The following TMEM108 variants were observed in gnomAD, a reference collection of about 807,000 sequenced individuals.
TMEM108 encodes the protein cancer/testis antigen 124.
Under a neutral mutation model 35.1 loss-of-function variants are expected in TMEM108, and 12 were observed. The ratio of observed to expected loss-of-function variants is 0.34; its 90% CI spans 0.22 to 0.55. TMEM108 has a LOEUF of 0.55. Ranked by LOEUF, TMEM108 falls within the 20% of genes least tolerant of loss-of-function variation. The pLI, the probability that TMEM108 is intolerant of heterozygous loss-of-function variation, is 0.89. For missense variants in TMEM108, 680 were observed against 753.3 expected (o/e 0.90, Z 1.14); for synonymous variants, 287 against 308.6 (o/e 0.93, Z 0.73).
At chr3:133,253,918 A>G (rs1946507389) in intron 3 of TMEM108, among the ~76,000 whole-genome samples, 1 of 152,240 alleles carries the variant, frequency 6.6e-6, no homozygotes, top group Admixed American at 6.5e-5. Context: ...AATAATTCCA[A>G]CAAATTCGGG....
At chr3:133,311,650 G>C (rs968264405) in intron 3 of TMEM108, among the ~76,000 whole-genome samples, 1 of 152,142 alleles carries the variant, frequency 6.6e-6, no homozygotes, top group African/African-American at 2.4e-5. Context: ...CTTCGAATGG[G>C]TTAGAACATG....
At chr3:133,082,835 A>C (rs961816305) in intron 2 of TMEM108, among the ~76,000 whole-genome samples, 2 of 152,008 alleles carry the variant, frequency 1.3e-5, no homozygotes, top group Non-Finnish European at 2.9e-5. Context: ...AAATTGTTTT[A>C]TAGAAACAAG....
At chr3:133,213,456 A>G (rs1945862655) in intron 2 of TMEM108, among the ~76,000 whole-genome samples, 1 of 152,194 alleles carries the variant, frequency 6.6e-6, no homozygotes, top group African/African-American at 2.4e-5. Context: ...ACTACTTAGC[A>G]CAATGACTTT....
chr3:133,265,435 C>T (rs1453702369), intron 3 of TMEM108, among the ~76,000 whole-genome samples: 1 of 152,184 alleles, frequency 6.6e-6, no homozygotes, highest in Non-Finnish European at 1.5e-5. Flanking sequence ...TCGGCACTAG[C>T]ACTTGCAGAT....
At chr3:133,220,894 G>A (rs75168267) in intron 2 of TMEM108, among the ~76,000 whole-genome samples, 1,791 of 152,312 alleles carry the variant, frequency 0.012, 40 homozygotes, top group African/African-American at 0.04. Context: ...ACTTGCTAGA[G>A]TGGCTCATAG....
intron 3 of TMEM108, among the ~76,000 whole-genome samples, chr3:133,281,639 C>T (rs1387944401): frequency 6.6e-6 from 1 of 152,226 alleles, no homozygotes; most frequent in African/African-American, 2.4e-5. Context: ...GATAATGAGG[C>T]ATGCTACAGT....
At chr3:133,038,633 G>T (rs1943235460) in intron 1 of TMEM108, among the ~76,000 whole-genome samples, 198 bp downstream of exon 1, 1 of 152,142 alleles carries the variant, frequency 6.6e-6, no homozygotes, top group South Asian at 2.1e-4. Flanking sequence ...TCCCCACTGC[G>T]TGACGGGTCT....
chr3:133,087,476 A>T (rs1021300893), intron 2 of TMEM108, among the ~76,000 whole-genome samples: 1 of 152,142 alleles, frequency 6.6e-6, no homozygotes, highest in African/African-American at 2.4e-5. Flanking sequence ...AACCACAGAG[A>T]TGTCTTTTTG....
At chr3:133,146,853 C>G (rs1162048894) in intron 2 of TMEM108, among the ~76,000 whole-genome samples, 1 of 152,070 alleles carries the variant, frequency 6.6e-6, no homozygotes, top group Non-Finnish European at 1.5e-5. Flanking sequence ...ATTCTTCTCT[C>G]TTCTCTTCTT....
At chr3:133,106,759 C>T (rs1364315127) in intron 2 of TMEM108, among the ~76,000 whole-genome samples, 1 of 152,196 alleles carries the variant, frequency 6.6e-6, no homozygotes, top group Non-Finnish European at 1.5e-5. Flanking sequence ...CAAGATCCAT[C>T]ATGAAAGCAG....
intron 3 of TMEM108, among the ~76,000 whole-genome samples, chr3:133,376,762 C>T (rs956343145): frequency 5.3e-5 from 8 of 152,208 alleles, no homozygotes; most frequent in East Asian, 3.8e-4. Flanking sequence ...CAGACCCCCA[C>T]GGCTGACCCC....
chr3:133,041,243 A>G (rs1003077186), intron 1 of TMEM108, among the ~76,000 whole-genome samples: 1 of 152,188 alleles, frequency 6.6e-6, no homozygotes, highest in African/African-American at 2.4e-5. Context: ...TCACAAGATG[A>G]AAGCTCCTGT....
intron 2 of TMEM108, among the ~76,000 whole-genome samples, chr3:133,215,731 T>G (rs1945898019): frequency 6.6e-6 from 1 of 152,204 alleles, no homozygotes. Flanking sequence ...GCAAAGCTTC[T>G]GTACTCACAA....
intron 2 of TMEM108, among the ~76,000 whole-genome samples, chr3:133,216,176 A>G (rs1031522501): frequency 6.6e-6 from 1 of 151,952 alleles, no homozygotes; most frequent in Admixed American, 6.6e-5. Context: ...TTGGCTCTTT[A>G]TGGCTATTTT....
intron 3 of TMEM108, among the ~76,000 whole-genome samples, chr3:133,302,257 G>A (rs1215010762): frequency 6.6e-6 from 1 of 152,136 alleles, no homozygotes; most frequent in Non-Finnish European, 1.5e-5. Flanking sequence ...GTAACCACAT[G>A]AGTGCATGCG....
At chr3:133,056,324 C>T (rs1309819217) in intron 2 of TMEM108, among the ~76,000 whole-genome samples, 3 of 152,112 alleles carry the variant, frequency 2.0e-5, no homozygotes, top group African/African-American at 4.8e-5. Flanking sequence ...TTTCAGTGAC[C>T]GCTTGGTAGC....
chr3:133,359,556 T>A (rs1047619935), intron 3 of TMEM108, among the ~76,000 whole-genome samples: 2 of 152,132 alleles, frequency 1.3e-5, no homozygotes, highest in Non-Finnish European at 2.9e-5. Flanking sequence ...ACGTTTTAAT[T>A]GTGTCTGGAA....
chr3:133,328,013 G>T (rs1359121571), intron 3 of TMEM108, among the ~76,000 whole-genome samples: 1 of 152,072 alleles, frequency 6.6e-6, no homozygotes, highest in African/African-American at 2.4e-5. Flanking sequence ...CTTTGTTGTG[G>T]ACTAATTTTT....
chr3:133,368,752 G>A (rs1383027704), intron 3 of TMEM108, among the ~76,000 whole-genome samples: 2 of 152,152 alleles, frequency 1.3e-5, no homozygotes, highest in African/African-American at 2.4e-5. Context: ...GCATTCAGCT[G>A]CAAATAACTC....
Sources: gnomAD v4.1 joint callset for allele counts (sites outside exome capture counted in the v4.1 genomes callset) on GRCh38, gnomAD v4.1.1 for gene constraint, MANE v1.5 for transcripts, NCBI Gene and HGNC (gene_info 2026-07-23, HGNC 2026-07-21) for gene names.